The following NRXN1 variants were observed in gnomAD, a reference collection of about 807,000 sequenced individuals.
NRXN1 encodes the protein neurexin 1.
NRXN1 carries 39 observed loss-of-function variants against 150.9 expected under a neutral mutation model. The ratio of observed to expected loss-of-function variants is 0.26; its 90% CI spans 0.20 to 0.34. The LOEUF (loss-of-function observed/expected upper bound fraction) is 0.34. Ranked by LOEUF, NRXN1 falls within the 10% of genes least tolerant of loss-of-function variation. The pLI, the probability that NRXN1 is intolerant of heterozygous loss-of-function variation, is 1.00. For missense variants in NRXN1, 1,815 were observed against 1,949.9 expected, an observed-to-expected ratio of 0.93 and a Z score of 1.30; for synonymous variants, 924 against 757.0, an observed-to-expected ratio of 1.22 and a Z score of -3.62.
rs557673228 is a variant in NRXN1, at chr2:50,817,774, G to T, written c.832+104095C>A. On this transcript the variant is annotated intron_variant, in intron 5 of 22. Coordinates refer to ENST00000401669, the MANE Select transcript of NRXN1 (RefSeq NM_001330078.2). Reference sequence around the variant, plus strand: ...GTGATCATCTCAATAGATGCAGGGGGTAAAAAAGTATTTTACTAAATTCAA... The same window carrying T: ...GTGATCATCTCAATAGATGCAGGGGTTAAAAAAGTATTTTACTAAATTCAA... 2.0e-5 allele frequency among the ~76,000 whole-genome samples: 3 copies of T among 151,936 alleles called. No homozygotes were observed. In the South Asian group the frequency reaches 6.2e-4, roughly 31 times the overall value.
intron 21 of NRXN1, among the ~76,000 whole-genome samples, chr2:49,992,559 T>C (rs1682185420): frequency 6.6e-6 from 1 of 151,882 alleles, no homozygotes; most frequent in Admixed American, 6.6e-5. Flanking sequence ...TGAGACTCTG[T>C]CTCAAAAAAC....
chr2:50,357,306 T>A (rs6146760), intron 17 of NRXN1, among the ~76,000 whole-genome samples: 83,801 of 131,162 alleles, frequency 0.64, 23,969 homozygotes, highest in South Asian at 0.74. Flanking sequence ...TTATTTATTT[T>A]TTTTTTTATT....
At chr2:50,266,857 C>T (rs2068958957) in intron 17 of NRXN1, among the ~76,000 whole-genome samples, 1 of 152,168 alleles carries the variant, frequency 6.6e-6, no homozygotes, top group Non-Finnish European at 1.5e-5. Flanking sequence ...TAACTCCATT[C>T]ACCTATGTCA....
intron 17 of NRXN1, among the ~76,000 whole-genome samples, chr2:50,454,475 C>A (rs2087326568): frequency 6.6e-6 from 1 of 152,066 alleles, no homozygotes; most frequent in Non-Finnish European, 1.5e-5. Flanking sequence ...TACACATACA[C>A]ACTCACATAC....
intron 8 of NRXN1, among the ~76,000 whole-genome samples, chr2:50,553,942 T>C (rs1655122795): frequency 6.6e-6 from 1 of 152,104 alleles, no homozygotes; most frequent in African/African-American, 2.4e-5. Flanking sequence ...TATTTTGACA[T>C]AAGGATAAAG....
At chr2:50,060,879 T>A (rs765945588) in intron 19 of NRXN1, among the ~76,000 whole-genome samples, 3 of 152,104 alleles carry the variant, frequency 2.0e-5, no homozygotes, top group Non-Finnish European at 4.4e-5. Context: ...TCTTTATAAA[T>A]CACCCAGTCT....
At chr2:50,999,840 C>T (rs1281736791) in intron 2 of NRXN1, among the ~76,000 whole-genome samples, 1 of 152,052 alleles carries the variant, frequency 6.6e-6, no homozygotes, top group African/African-American at 2.4e-5. Context: ...CACTACCACC[C>T]TAGTCCATCA....
chr2:50,291,991 G>A (rs777757736), intron 17 of NRXN1, among the ~76,000 whole-genome samples: 5 of 152,014 alleles, frequency 3.3e-5, no homozygotes, highest in Non-Finnish European at 5.9e-5. Context: ...CACCCACAGC[G>A]TGGCTTCTGG....
At chr2:50,441,761 TA>T (rs11335416) in intron 17 of NRXN1, among the ~76,000 whole-genome samples, 72,819 of 151,946 alleles carry the variant, frequency 0.48, 18,978 homozygotes, top group East Asian at 0.92. Flanking sequence ...ATTTTGGTCT[TA>T]AAAATATCGA....
intron 5 of NRXN1, among the ~76,000 whole-genome samples, chr2:50,628,186 T>A (rs902124311): frequency 1.3e-5 from 2 of 151,944 alleles, no homozygotes; most frequent in East Asian, 3.9e-4. Context: ...TAATGTGGCA[T>A]ACCCAAGGGG....
intron 5 of NRXN1, among the ~76,000 whole-genome samples, chr2:50,752,633 ATT>A (rs1238192019): frequency 6.6e-6 from 1 of 151,792 alleles, no homozygotes; most frequent in African/African-American, 2.4e-5. Flanking sequence ...ATTAATTTAA[ATT>A]TTAAAGCAGA....
chr2:49,965,279 T>C (rs1455454640), intron 21 of NRXN1, among the ~76,000 whole-genome samples: 2 of 152,270 alleles, frequency 1.3e-5, no homozygotes, highest in Admixed American at 1.3e-4. Flanking sequence ...TATGTATATA[T>C]ATTTTGAGAC....
intron 17 of NRXN1, among the ~76,000 whole-genome samples, chr2:50,253,358 C>G (rs982697543): frequency 6.6e-6 from 1 of 152,138 alleles, no homozygotes; most frequent in Non-Finnish European, 1.5e-5. Flanking sequence ...CGTCTGCAAA[C>G]AGAGACAGTT....
rs918302074 is a variant in NRXN1, at chr2:49,953,495, T to G, written c.4129-9704A>C. On this transcript the variant is annotated intron_variant, in intron 21 of 22. Transcript: ENST00000401669. ...GCACATTGGTTCTTTAATACATATTTACGATGTTGTACTGCTGAAACACCT... is the reference window on the plus strand; with the variant it reads ...GCACATTGGTTCTTTAATACATATTGACGATGTTGTACTGCTGAAACACCT... 2.6e-5 allele frequency among the ~76,000 whole-genome samples: 4 copies of G among 152,192 alleles called. No homozygotes were observed. The South Asian group carries it at 6.2e-4, about 24-fold the overall frequency.
chr2:50,509,163 C>T (rs992369236), intron 12 of NRXN1, among the ~76,000 whole-genome samples: 1 of 152,212 alleles, frequency 6.6e-6, no homozygotes, highest in Non-Finnish European at 1.5e-5. Context: ...AAGTTTCATC[C>T]TTGGCCTGAC....
chr2:50,530,466 A>C (rs2093069547), intron 11 of NRXN1, among the ~76,000 whole-genome samples: 1 of 152,202 alleles, frequency 6.6e-6, no homozygotes, highest in African/African-American at 2.4e-5. Context: ...AAACTGCTTA[A>C]ACAAATTTTA....
chr2:50,205,369 C>T (rs1253687875), intron 18 of NRXN1, among the ~76,000 whole-genome samples: 1 of 151,870 alleles, frequency 6.6e-6, no homozygotes, highest in African/African-American at 2.4e-5. Context: ...TCCTATAAAC[C>T]TAATAGATCA....
In NRXN1 at chr2:50,538,569, C is replaced by T. The variant is rs913051335; in HGVS notation, c.1827G>A (p.Leu609=). The T allele has an allele frequency of 1.9e-6, 3 of 1,566,402 alleles. No homozygotes were observed. The highest frequency in any genetic ancestry group is 1.8e-5 in the Admixed American group (1 of 56,224). Residue 609 remains leucine, a synonymous_variant, in exon 10 of 23, where the codon CTG becomes CTA. Coordinates refer to ENST00000401669, the MANE Select transcript of NRXN1 (RefSeq NM_001330078.2). The part of the protein sequence containing the change: ...TAPGESEILD[L]DDELYLGGLP... Reference sequence around the variant, plus strand: ...GCCCCCCCAGGTACAACTCATCATCCAGGTCCAGAATCTCACTCTCACCAG... The same window carrying T: ...GCCCCCCCAGGTACAACTCATCATCTAGGTCCAGAATCTCACTCTCACCAG...
chr2:50,463,332 C>T lies in NRXN1; in HGVS notation c.3364+2110G>A, dbSNP rs930003905. On this transcript the variant is annotated intron_variant, in intron 17 of 22. Coordinates refer to ENST00000401669, the MANE Select transcript of NRXN1 (RefSeq NM_001330078.2). ...TATAATTGATACAAAATAAGATTTG[C>T]TTTTGAATATTGATTTGTACCTATG... is the stretch of plus-strand genomic sequence containing the variant. Among the ~76,000 whole-genome samples the T allele has an allele frequency of 5.3e-5, 8 of 151,872 alleles. No individual in the cohort carries two copies. In the Middle Eastern group the frequency reaches 0.014, roughly 258 times the overall value.
Sources: gnomAD v4.1 joint callset for allele counts (sites outside exome capture counted in the v4.1 genomes callset) on GRCh38, gnomAD v4.1.1 for gene constraint, MANE v1.5 for transcripts, NCBI Gene and HGNC (gene_info 2026-07-23, HGNC 2026-07-21) for gene names.